SIAE: variants seen among roughly 807,000 people sequenced by gnomAD.
SIAE encodes sialic acid acetylesterase.
SIAE carries 39 observed loss-of-function variants against 52.6 expected under a neutral mutation model. The ratio of observed to expected loss-of-function variants is 0.74; its 90% CI spans 0.57 to 0.97. SIAE has a LOEUF of 0.97. Among genes scored for constraint, SIAE ranks in the 50% least tolerant of loss-of-function variants. SIAE has a pLI of 0.00. For synonymous variants in SIAE, 233 were observed against 241.4 expected (o/e 0.97, Z 0.32); for missense variants, 592 against 662.1 (o/e 0.89, Z 1.16).
rs1565406599 is a variant in SIAE at position 124,637,208 on chromosome 11, AAG to A, written c.1321-8_1321-7del. 2.5e-6 allele frequency: 4 copies of A among 1,614,020 alleles called. No homozygotes were observed. Among genetic ancestry groups the A allele is most frequent in the Admixed American group, 1.7e-5 (1 of 60,006 alleles). The stretch of plus-strand genomic sequence containing the variant: ...TGGTCACTGCAACAGGAGATCTAAT[AAG>A]AGAGCCATAAAATAGGAATGATTAG... On this transcript the variant is annotated splice_polypyrimidine_tract_variant and splice_region_variant and intron_variant, in intron 9 of 9. Coordinates refer to ENST00000263593, the MANE Select transcript of SIAE (RefSeq NM_170601.5).
chr11:124,642,236 T>C (rs776291093), intron 7 of SIAE, among the ~76,000 whole-genome samples: 1 of 152,134 alleles, frequency 6.6e-6, no homozygotes, highest in Non-Finnish European at 1.5e-5. Flanking sequence ...ACCAGAATAT[T>C]TGGGGAATAA....
rs148880619 is a variant in SIAE, at chr11:124,669,415, G to C, written c.174C>G (p.Thr58=). Reference sequence around the variant, plus strand: ...TTTCCTGACCTTGGCGCAGGGTCACGGTCACTGTGGCTCCAGGTGTACCGA... The same window carrying C: ...TTTCCTGACCTTGGCGCAGGGTCACCGTCACTGTGGCTCCAGGTGTACCGA... ...WGFGTPGATV[T]VTLRQGQETI... is the part of the protein sequence containing the mutation. The change falls in exon 2 of 10, where the codon ACC becomes ACG. Residue 58 remains threonine, a synonymous_variant. Transcript: ENST00000263593. 2.5e-6 allele frequency: 4 copies of C among 1,614,192 alleles called. 1 individual carries two copies. The South Asian group carries it at 4.4e-5, about 18-fold the overall frequency.
intron 2 of SIAE, among the ~76,000 whole-genome samples, chr11:124,666,057 T>C (rs1943269749): frequency 6.6e-6 from 1 of 152,194 alleles, no homozygotes; most frequent in East Asian, 1.9e-4. Context: ...TCCTTGTGTC[T>C]GAAAGAATCC....
chr11:124,639,448 T>TAA (rs1942806606), intron 8 of SIAE, among the ~76,000 whole-genome samples: 1 of 152,228 alleles, frequency 6.6e-6, no homozygotes, highest in Non-Finnish European at 1.5e-5. Context: ...GGAGCCTCTA[T>TAA]TGCTCTGGGT....
intron 7 of SIAE, among the ~76,000 whole-genome samples, chr11:124,644,115 C>T (rs964337421): frequency 6.6e-6 from 1 of 152,040 alleles, no homozygotes; most frequent in Non-Finnish European, 1.5e-5. Flanking sequence ...AACCAATAGG[C>T]CATTTACAAT....
intron 1 of SIAE, 59 bp downstream of exon 1, chr11:124,673,583 G>A: frequency 2.5e-6 from 4 of 1,572,256 alleles, no homozygotes; most frequent in South Asian, 2.3e-5. Flanking sequence ...AGAGGACACG[G>A]GGTCTCGGAG....
Position 124,637,116 on chromosome 11 carries a change from A to G in SIAE, c.1407T>C (p.Asp469=). ...GAGCAACCACAGTGCCATGACAAGA[A>G]TCGATCGCCAGGGTCAGGGACTGGG... The part of the protein sequence containing the change: ...VSTQSLTLAI[D]SCHGTVVALR... The change falls in exon 10 of 10, where the codon GAT becomes GAC. Residue 469 remains aspartate, a synonymous_variant. Transcript: ENST00000263593. 6.2e-7 allele frequency: 1 copy of G among 1,614,202 alleles called. No individual in the cohort carries two copies.
At chr11:124,651,723 G>A (rs1244550888) in intron 4 of SIAE, among the ~76,000 whole-genome samples, 4 of 152,172 alleles carry the variant, frequency 2.6e-5, no homozygotes, top group African/African-American at 7.2e-5. Flanking sequence ...GTGCTTCCAC[G>A]ACACTCTGTG....
chr11:124,669,685 A>G, intron 1 of SIAE, 164 bp from the exon 2 acceptor site: 1 of 694,558 alleles, frequency 1.4e-6, no homozygotes, highest in Non-Finnish European at 2.6e-6. Flanking sequence ...TAATTAGGCA[A>G]GCAACATAAC....
intron 7 of SIAE, among the ~76,000 whole-genome samples, chr11:124,646,060 A>G (rs1486465019): frequency 6.6e-6 from 1 of 152,136 alleles, no homozygotes; most frequent in Non-Finnish European, 1.5e-5. Context: ...CATTGTTTTT[A>G]TATCACCTTA....
rs1167528996 is a variant in SIAE at position 124,636,484 on chromosome 11, C to T, written c.*467G>A. 9.6e-6 allele frequency: 2 copies of T among 209,116 alleles called. No individual in the cohort carries two copies. The highest frequency in any genetic ancestry group is 5.2e-5 in the Admixed American group (1 of 19,128). 13.0% of individuals were successfully genotyped at this position (209,116 alleles called of 1,614,324 possible). The stretch of plus-strand genomic sequence containing the variant: ...GTCTACGGCCATATCACCCTGAACG[C>T]GCCTGATCTCATCTGATCTCGGAAG... On this transcript the variant is annotated 3_prime_UTR_variant, in exon 10 of 10. Transcript: ENST00000263593.
upstream of SIAE, chr11:124,675,473 T>C (rs1402432010): frequency 1.8e-5 from 28 of 1,579,016 alleles, no homozygotes; most frequent in Non-Finnish European, 2.2e-5. Flanking sequence ...CATTTGTTTA[T>C]GGTAAAACTT....
At chr11:124,638,213 A>T (rs1942783371) in intron 9 of SIAE, among the ~76,000 whole-genome samples, 1 of 152,252 alleles carries the variant, frequency 6.6e-6, no homozygotes, top group African/African-American at 2.4e-5. Context: ...TGGAGCAAGG[A>T]TCCTTCAATA....
At chr11:124,649,941 G>A in intron 4 of SIAE, 145 bp from the exon 5 acceptor site, 1 of 743,598 alleles carries the variant, frequency 1.3e-6, no homozygotes, top group African/African-American at 1.7e-5. Flanking sequence ...GGATAAGATT[G>A]AGAGGCACAG....
chr11:124,638,557 G>T lies in SIAE; in HGVS notation c.1305C>A (p.Asp435Glu). Residue 435 changes from aspartate (D) to glutamate (E), a missense_variant, in exon 9 of 10, where the codon GAC becomes GAA. Asp to Glu is a conservative substitution (Grantham distance 45). Transcript: ENST00000263593. ...TTCTTCTCACCTCAAATATCTTGTT[G>T]TCCTTTTTCTGCACCTGGATTTGCT... Reference protein sequence around the residue: ...YYQQIQVQKKDNKIFEISCCS... With the variant: ...YYQQIQVQKKENKIFEISCCS... The T allele has an allele frequency of 6.2e-7, 1 of 1,614,076 alleles. No individual in the cohort carries two copies. The highest frequency in any genetic ancestry group is 8.5e-7 in the Non-Finnish European group (1 of 1,179,988).
intron 7 of SIAE, among the ~76,000 whole-genome samples, chr11:124,642,751 TG>T (rs1942868662): frequency 6.6e-6 from 1 of 152,218 alleles, no homozygotes; most frequent in Non-Finnish European, 1.5e-5. Flanking sequence ...GAAGGGATTT[TG>T]CAGATGTTAC....
At chr11:124,656,761 T>A (rs1266265368) in intron 3 of SIAE, among the ~76,000 whole-genome samples, 2 of 152,190 alleles carry the variant, frequency 1.3e-5, no homozygotes, top group Admixed American at 1.3e-4. Flanking sequence ...CTGGCCCAGC[T>A]TCTCCCAAAA....
rs1186179263 is a variant in SIAE at position 124,670,944 on chromosome 11, T to A, written c.68-1423A>T. Among the ~76,000 whole-genome samples, 1 of 152,136 alleles carries A rather than the reference T, an allele frequency of 6.6e-6. No homozygotes were observed. The highest frequency in any genetic ancestry group is 1.9e-4 in the East Asian group (1 of 5,198). On this transcript the variant is annotated intron_variant, in intron 1 of 9. Transcript: ENST00000263593. This position sits in a 1 kb window ranked among gnomAD's most constrained non-coding sequence, Gnocchi z 4.5. ...GAGGCACATGTGTGGGAGGGCCTTG[T>A]CTTGGGTAGGTGCTTCATATGGAAC...
In SIAE at chr11:124,644,351, G is replaced by GGAA. The variant is rs1555096422; in HGVS notation, c.966+3013_966+3014insTTC. Among the ~76,000 whole-genome samples the GGAA allele has an allele frequency of 8.0e-3, 794 of 98,936 alleles. 10 individuals carry two copies. The East Asian group carries it at 0.13, about 17-fold the overall frequency. 64.9% of individuals were successfully genotyped at this position (98,936 alleles called of 152,430 possible). A position where few individuals can be genotyped will look rare whatever the true frequency, so the allele number is the denominator to read the frequency against. ...AACGCCACAGGAAAGAGTCTGTGGTGAGAAAAAAAAAAAAAAAAAAAAACT... is the reference window on the plus strand; with the variant it reads ...AACGCCACAGGAAAGAGTCTGTGGTGGAAAGAAAAAAAAAAAAAAAAAAAAACT... On this transcript the variant is annotated intron_variant, in intron 7 of 9. Transcript: ENST00000263593.
Sources: gnomAD v4.1 joint callset for allele counts (sites outside exome capture counted in the v4.1 genomes callset) on GRCh38, gnomAD v4.1.1 for gene constraint, Gnocchi (gnomAD v3.1) non-coding constraint, MANE v1.5 for transcripts, NCBI Gene and HGNC (gene_info 2026-07-23, HGNC 2026-07-21) for gene names.